Variants in ARHGAP26 observed in about 807,000 individuals in gnomAD.
ARHGAP26 encodes rho GTPase-activating protein 26.
Under a neutral mutation model 104.8 loss-of-function variants are expected in ARHGAP26, and 38 were observed. That is an observed-to-expected ratio of 0.36 (90% CI 0.28 to 0.48). The LOEUF (loss-of-function observed/expected upper bound fraction) is 0.48, where lower values mean the gene tolerates loss of function less well. Among genes scored for constraint, ARHGAP26 ranks in the 20% least tolerant of loss-of-function variants. The pLI, the probability that ARHGAP26 is intolerant of heterozygous loss-of-function variation, is 0.99. For missense variants in ARHGAP26, 704 were observed against 947.9 expected (o/e 0.74, Z 3.38); for synonymous variants, 341 against 340.0 (o/e 1.00, Z -0.03).
At chr5:143,105,378 A>AAAATAAATAAATAAATAAAT (rs34365485) in intron 17 of ARHGAP26, among the ~76,000 whole-genome samples, 2 of 140,432 alleles carry the variant, frequency 1.4e-5, no homozygotes, top group Non-Finnish European at 3.1e-5. Flanking sequence ...CTCCATCTCA[A>AAAATAAATAAATAAATAAAT]AAATAAATAA....
intron 18 of ARHGAP26, among the ~76,000 whole-genome samples, chr5:143,121,998 C>T (rs1440080896): frequency 1.3e-5 from 2 of 152,198 alleles, no homozygotes; most frequent in African/African-American, 4.8e-5. Context: ...GACCATGCCT[C>T]ACCACGTACA....
intron 8 of ARHGAP26, among the ~76,000 whole-genome samples, chr5:142,906,719 A>T (rs1761156243): frequency 6.6e-6 from 1 of 152,194 alleles, no homozygotes; most frequent in South Asian, 2.1e-4. Flanking sequence ...ATACACTAAG[A>T]TGGTTTGTAT....
intron 1 of ARHGAP26, among the ~76,000 whole-genome samples, chr5:142,863,477 G>T (rs1389716520): frequency 6.6e-6 from 1 of 152,204 alleles, no homozygotes; most frequent in Non-Finnish European, 1.5e-5. Flanking sequence ...GTTGGTGGCT[G>T]CACAAGGAGA....
chr5:143,011,584 AT>A (rs1778763098), intron 11 of ARHGAP26, among the ~76,000 whole-genome samples: 1 of 152,176 alleles, frequency 6.6e-6, no homozygotes. Flanking sequence ...CAAAGCCGCT[AT>A]GCCCTTCCTC....
intron 5 of ARHGAP26, among the ~76,000 whole-genome samples, chr5:142,892,252 T>C (rs2152426377): frequency 6.6e-6 from 1 of 152,066 alleles, no homozygotes; most frequent in East Asian, 1.9e-4. Context: ...AATTTCTTTT[T>C]CACTGTAAGA....
intron 1 of ARHGAP26, among the ~76,000 whole-genome samples, chr5:142,790,795 C>T (rs1759643499): frequency 6.6e-6 from 1 of 152,198 alleles, no homozygotes; most frequent in South Asian, 2.1e-4. Flanking sequence ...TTTCATCCTT[C>T]AAGTCTCAGC....
intron 11 of ARHGAP26, among the ~76,000 whole-genome samples, chr5:142,948,086 A>T (rs1767435004): frequency 6.6e-6 from 1 of 152,182 alleles, no homozygotes; most frequent in Non-Finnish European, 1.5e-5. Flanking sequence ...ACCCAAGAGC[A>T]TGTTTCCCTT....
intron 20 of ARHGAP26, among the ~76,000 whole-genome samples, chr5:143,185,409 T>A (rs1050011349): frequency 3.9e-5 from 6 of 152,360 alleles, no homozygotes; most frequent in Non-Finnish European, 5.9e-5. Context: ...CTTTCTGTAT[T>A]AAGAAAAAAT....
intron 11 of ARHGAP26, among the ~76,000 whole-genome samples, chr5:142,999,545 C>G (rs1245941699): frequency 6.6e-6 from 1 of 152,034 alleles, no homozygotes; most frequent in African/African-American, 2.4e-5. Context: ...AGAAGCACCT[C>G]TAAATAATGT....
intron 8 of ARHGAP26, among the ~76,000 whole-genome samples, chr5:142,906,875 ATT>A (rs145216282): frequency 0.015 from 2,251 of 148,758 alleles, 61 homozygotes; most frequent in African/African-American, 0.053. Flanking sequence ...TGTTTAAACA[ATT>A]TTTTTTTTTT....
chr5:142,990,873 A>G (rs1775497005), intron 11 of ARHGAP26, among the ~76,000 whole-genome samples: 1 of 152,182 alleles, frequency 6.6e-6, no homozygotes, highest in Non-Finnish European at 1.5e-5. Flanking sequence ...GTCGGCCCCT[A>G]CTGAGTGGTG....
At chr5:143,044,794 A>G (rs901546133) in intron 14 of ARHGAP26, among the ~76,000 whole-genome samples, 2 of 152,206 alleles carry the variant, frequency 1.3e-5, no homozygotes, top group Non-Finnish European at 2.9e-5. Flanking sequence ...TGATTATGGA[A>G]AGACATGGAG....
At chr5:142,845,316 C>T (rs572208361) in intron 1 of ARHGAP26, among the ~76,000 whole-genome samples, 222 of 152,196 alleles carry the variant, frequency 1.5e-3, no homozygotes, top group African/African-American at 4.8e-3. Context: ...AGAATGCTTC[C>T]GGGTGGGTAT....
chr5:142,916,214 A>G (rs908272012), intron 10 of ARHGAP26, among the ~76,000 whole-genome samples: 1 of 152,266 alleles, frequency 6.6e-6, no homozygotes, highest in Admixed American at 6.5e-5. Context: ...TGAAGTGTGA[A>G]GTATGTGACT....
chr5:143,115,661 A>G (rs1033669949), intron 17 of ARHGAP26, among the ~76,000 whole-genome samples: 1 of 152,188 alleles, frequency 6.6e-6, no homozygotes, highest in Non-Finnish European at 1.5e-5. Context: ...ACAAGAGCAG[A>G]TGTCATTTAT....
chr5:142,885,980 A>G (rs1018356359), intron 5 of ARHGAP26, among the ~76,000 whole-genome samples: 4 of 152,102 alleles, frequency 2.6e-5, no homozygotes, highest in Non-Finnish European at 5.9e-5. Context: ...CTGGGTTTGC[A>G]TGGTGTCTTT....
At chr5:142,932,500 G>A (rs1222945603) in intron 11 of ARHGAP26, among the ~76,000 whole-genome samples, 4 of 152,188 alleles carry the variant, frequency 2.6e-5, no homozygotes, top group Admixed American at 2.0e-4. Context: ...CCATTTCAGC[G>A]ATGCTGGCCT....
intron 1 of ARHGAP26, among the ~76,000 whole-genome samples, chr5:142,839,678 T>C (rs554918161): frequency 9.2e-5 from 14 of 152,304 alleles, no homozygotes; most frequent in Admixed American, 8.5e-4. Context: ...GAATGAGGCT[T>C]TCCTGAGAGT....
At chr5:142,978,337 G>T (rs37194) in intron 11 of ARHGAP26, among the ~76,000 whole-genome samples, 12,208 of 152,182 alleles carry the variant, frequency 0.08, 800 homozygotes, top group East Asian at 0.26. Context: ...GAGATAATGT[G>T]TGAGAAATCC....
Sources: allele counts gnomAD v4.1 joint callset (sites outside exome capture counted in the v4.1 genomes callset), GRCh38; gene constraint gnomAD v4.1.1; transcripts MANE v1.5; gene names NCBI Gene and HGNC (gene_info 2026-07-23, HGNC 2026-07-21).